TRPM4: variants seen among roughly 807,000 people sequenced by gnomAD.
TRPM4 encodes the protein calcium-activated non-selective cation channel 1.
Under a neutral mutation model 135.6 loss-of-function variants are expected in TRPM4, and 124 were observed. The ratio of observed to expected loss-of-function variants is 0.91; its 90% CI spans 0.79 to 1.06. The LOEUF is 1.06. Among genes scored for constraint, TRPM4 ranks in the 50% least tolerant of loss-of-function variants. The pLI is 0.00. For synonymous variants in TRPM4, 745 were observed against 705.6 expected, an observed-to-expected ratio of 1.06 and a Z score of -0.88; for missense variants, 1,658 against 1,671.4, an observed-to-expected ratio of 0.99 and a Z score of 0.14.
At chr19:49,193,554 C>T (rs1415802657) in intron 16 of TRPM4, among the ~76,000 whole-genome samples, 1 of 151,992 alleles carries the variant, frequency 6.6e-6, no homozygotes, top group South Asian at 2.1e-4. Flanking sequence ...GTGCTCTCAG[C>T]CCCTGTGGAG....
chr19:49,164,908 T>A (rs1163928759), intron 2 of TRPM4, among the ~76,000 whole-genome samples: 2 of 151,536 alleles, frequency 1.3e-5, no homozygotes, highest in African/African-American at 2.4e-5. Flanking sequence ...TATTTTATTT[T>A]ATTTATTTAT....
At chr19:49,163,186 TTTA>T (rs869237360) in intron 2 of TRPM4, among the ~76,000 whole-genome samples, 36 of 114,884 alleles carry the variant, frequency 3.1e-4, no homozygotes, top group East Asian at 1.5e-3. Flanking sequence ...GAGCTTTTAT[TTTA>T]TTATTATTAT....
chr19:49,199,335 T>G (rs1968825998), intron 17 of TRPM4, among the ~76,000 whole-genome samples: 1 of 152,142 alleles, frequency 6.6e-6, no homozygotes, highest in African/African-American at 2.4e-5. Context: ...CTCGGCTCAC[T>G]GCAACCTCCG....
Position 49,197,102 on chromosome 19 carries a change from A to T in TRPM4, c.2645+228A>T, listed in dbSNP as rs183431111. On this transcript the variant is annotated intron_variant, in intron 17 of 24. Transcript: ENST00000252826. ...ACGGCAGGATTCAGGAGAAAACCCC[A>T]CTGTCCGCCACTCAGCCTCTGCTGC... Among the ~76,000 whole-genome samples, 4 of 152,090 alleles carry T rather than the reference A, an allele frequency of 2.6e-5. No individual in the cohort carries two copies. The East Asian group carries it at 7.8e-4, about 30-fold the overall frequency.
Position 49,188,760 on chromosome 19 carries a change from G to T in TRPM4, c.1863G>T (p.Gly621=). The change falls in exon 13 of 25, where the codon GGG becomes GGT. Residue 621 remains glycine (G), a synonymous_variant. Transcript: ENST00000252826. The stretch of plus-strand genomic sequence containing the variant: ...AAGACCTGGCGTTCAAGTTTGAGGG[G>T]ATGGGCGTTGGTGCGTGGGGCACGG... The part of the protein sequence containing the change: ...RRKDLAFKFE[G]MGVDLFGECY... 6.2e-7 allele frequency: 1 copy of T among 1,614,170 alleles called. No homozygotes were observed. The highest frequency in any genetic ancestry group is 8.5e-7 in the Non-Finnish European group (1 of 1,180,028).
Position 49,190,977 on chromosome 19 carries a change from G to A in TRPM4, c.2210+204G>A, listed in dbSNP as rs956846719. On this transcript the variant is annotated intron_variant, in intron 16 of 24. Transcript: ENST00000252826. ...AGCATAGTGCTGGCATCTGCGGCTGGTGAGCCCTCAGGAAGCTTCCACTCA... is the reference window on the plus strand; with the variant it reads ...AGCATAGTGCTGGCATCTGCGGCTGATGAGCCCTCAGGAAGCTTCCACTCA... 2.0e-5 allele frequency among the ~76,000 whole-genome samples: 3 copies of A among 152,146 alleles called. 1 individual carries two copies. Among genetic ancestry groups the A allele is most frequent in the South Asian group, 4.1e-4 (2 of 4,828 alleles).
intron 17 of TRPM4, among the ~76,000 whole-genome samples, chr19:49,199,314 A>T (rs535670164): frequency 6.6e-6 from 1 of 151,946 alleles, no homozygotes; most frequent in East Asian, 1.9e-4. Flanking sequence ...GCTGGAGTGC[A>T]GTGGCGCGAT....
At position 49,210,788 on chromosome 19, in the gene TRPM4, G is replaced by A; in HGVS notation, c.3407G>A (p.Arg1136His). Residue 1136 changes from arginine (R) to histidine (H), a missense_variant, in exon 22 of 25, where the codon CGC becomes CAC. Physicochemically the swap from Arg to His is conservative, Grantham distance 29 (BLOSUM62 0). Coordinates refer to ENST00000252826, the MANE Select transcript of TRPM4 (RefSeq NM_017636.4). This position sits in a 1 kb window ranked among gnomAD's most constrained non-coding sequence, Gnocchi z 4.1. Reference sequence around the variant, plus strand: ...CATAAGGAGAACTTTCTGCTGGCACGCGCTAGGGACAAGCGGGAGAGCGAC... The same window carrying A: ...CATAAGGAGAACTTTCTGCTGGCACACGCTAGGGACAAGCGGGAGAGCGAC... ...SVHKENFLLA[R>H]ARDKRESDSE... 4 of 1,613,962 alleles carry A rather than the reference G, an allele frequency of 2.5e-6. No individual in the cohort carries two copies. Among genetic ancestry groups the A allele is most frequent in the Non-Finnish European group, 3.4e-6 (4 of 1,180,010 alleles).
chr19:49,190,080 T>C, intron 14 of TRPM4, 128 bp from the exon 15 acceptor site: 1 of 815,692 alleles, frequency 1.2e-6, no homozygotes, highest in Non-Finnish European at 2.1e-6. Context: ...TTTCCCTACC[T>C]CAATAGTTGT....
At chr19:49,162,537 T>TCAAAA (rs1037274929) in intron 2 of TRPM4, among the ~76,000 whole-genome samples, 1 of 151,492 alleles carries the variant, frequency 6.6e-6, no homozygotes, top group African/African-American at 2.4e-5. Flanking sequence ...AGACTCCATC[T>TCAAAA]CAAAACAAAA....
intron 16 of TRPM4, among the ~76,000 whole-genome samples, chr19:49,192,494 A>T (rs1968448427): frequency 6.6e-6 from 1 of 152,190 alleles, no homozygotes; most frequent in Non-Finnish European, 1.5e-5. Flanking sequence ...ATTTATCTGT[A>T]GCCATAAAAA....
intron 17 of TRPM4, among the ~76,000 whole-genome samples, chr19:49,197,120 T>C (rs1303492245): frequency 6.6e-6 from 1 of 152,128 alleles, no homozygotes; most frequent in African/African-American, 2.4e-5. Context: ...CCACTCAGCC[T>C]CTGCTGCTAT....
At position 49,210,981 on chromosome 19, in the gene TRPM4, C is replaced by CGGG; in HGVS notation, c.3462-33_3462-31dup. The CGGG allele has an allele frequency of 3.1e-6, 2 of 635,604 alleles. No individual in the cohort carries two copies. The highest frequency in any genetic ancestry group is 1.4e-5 in the South Asian group (1 of 72,062). 39.4% of individuals were successfully genotyped at this position (635,604 alleles called of 1,614,324 possible). A position where few individuals can be genotyped will look rare whatever the true frequency, so the allele number is the denominator to read the frequency against. ...CAGAGCCCTGGGGGTGGGTGGGCTG[C>CGGG]GGGTGCCCCCGGTAAGAGGCCCTCC... On this transcript the variant is annotated intron_variant, in intron 22 of 24. Transcript: ENST00000252826. The surrounding 1 kb of genome is among the most constrained non-coding windows in gnomAD (Gnocchi z 4.1).
At chr19:49,174,483 A>G (rs2036385782) in intron 9 of TRPM4, among the ~76,000 whole-genome samples, 1 of 151,448 alleles carries the variant, frequency 6.6e-6, no homozygotes, top group Non-Finnish European at 1.5e-5. Flanking sequence ...GACCTTGGCC[A>G]GGCACAGTGG....
At chr19:49,175,926 CTCTTT>C (rs1967673751) in intron 9 of TRPM4, among the ~76,000 whole-genome samples, 1 of 131,694 alleles carries the variant, frequency 7.6e-6, no homozygotes, top group African/African-American at 2.8e-5. Flanking sequence ...GGCGCCCGGC[CTCTTT>C]TTTTTTTTTT....
chr19:49,193,377 G>A (rs992131889), intron 16 of TRPM4, among the ~76,000 whole-genome samples: 5 of 152,112 alleles, frequency 3.3e-5, no homozygotes, highest in East Asian at 1.9e-4. Context: ...CACCGCACCC[G>A]TCCGGAAATC....
intron 14 of TRPM4, 62 bp from the exon 15 acceptor site, chr19:49,190,145 TG>T: frequency 7.1e-7 from 1 of 1,400,558 alleles, no homozygotes; most frequent in Non-Finnish European, 1.0e-6. Context: ...CAACCCTTGC[TG>T]GGCGTCTTAG....
chr19:49,200,094 G>A (rs1191736597), intron 17 of TRPM4, among the ~76,000 whole-genome samples: 1 of 152,110 alleles, frequency 6.6e-6, no homozygotes, highest in Non-Finnish European at 1.5e-5. Flanking sequence ...TACTTAATAG[G>A]CGCAGCCATT....
chr19:49,211,699 C>T lies in TRPM4; in HGVS notation c.*201C>T. 2 of 700,478 alleles carry T rather than the reference C, an allele frequency of 2.9e-6. No individual in the cohort carries two copies. Among genetic ancestry groups the T allele is most frequent in the East Asian group, 5.1e-5 (2 of 38,898 alleles). 43.4% of individuals were successfully genotyped at this position (700,478 alleles called of 1,614,324 possible). A position where few individuals can be genotyped will look rare whatever the true frequency, so the allele number is the denominator to read the frequency against. On this transcript the variant is annotated 3_prime_UTR_variant, in exon 25 of 25. Coordinates refer to ENST00000252826, the MANE Select transcript of TRPM4 (RefSeq NM_017636.4). This position sits in a 1 kb window ranked among gnomAD's most constrained non-coding sequence, Gnocchi z 4.8. ...GCCCGGCTCCTCCCAGAACCAGTCC[C>T]AGCCTGGGAGGATCAAGGCCTGGAT...
Sources: gnomAD v4.1 joint callset for allele counts (sites outside exome capture counted in the v4.1 genomes callset) on GRCh38, gnomAD v4.1.1 for gene constraint, Gnocchi (gnomAD v3.1) non-coding constraint, MANE v1.5 for transcripts, NCBI Gene and HGNC (gene_info 2026-07-23, HGNC 2026-07-21) for gene names.